Variants in BIRC6 observed in about 807,000 individuals in gnomAD.
BIRC6 encodes dual E2 ubiquitin-conjugating enzyme/E3 ubiquitin-protein ligase BIRC6.
Under a neutral mutation model 503.3 loss-of-function variants are expected in BIRC6, and 98 were observed. The ratio of observed to expected loss-of-function variants is 0.19; its 90% CI spans 0.17 to 0.23. The LOEUF (loss-of-function observed/expected upper bound fraction) is 0.23, where lower values mean the gene tolerates loss of function less well. BIRC6 is among the 10% of genes least tolerant of loss of function. The pLI, the probability that BIRC6 is intolerant of heterozygous loss-of-function variation, is 1.00. For missense variants in BIRC6, 5,360 were observed against 5,806.0 expected (o/e 0.92, Z 2.50); for synonymous variants, 2,240 against 2,078.7 (o/e 1.08, Z -2.11).
chr2:32,369,408 T>C (rs2035450127), intron 1 of BIRC6, among the ~76,000 whole-genome samples: 1 of 152,112 alleles, frequency 6.6e-6, no homozygotes, highest in Non-Finnish European at 1.5e-5. Context: ...ATTGGCACCT[T>C]TGTGCAGCAG....
At chr2:32,488,060 A>G (rs1014459414) in intron 41 of BIRC6, among the ~76,000 whole-genome samples, 1 of 151,416 alleles carries the variant, frequency 6.6e-6, no homozygotes, top group South Asian at 2.1e-4. Flanking sequence ...AGATTGAATC[A>G]CAGGGCATGG....
In BIRC6 at chr2:32,443,494, T is replaced by C. The variant is rs1313222889; in HGVS notation, c.4242T>C (p.Asn1414=). Residue 1414 remains asparagine (N), a synonymous_variant, in exon 20 of 74, where the codon AAT becomes AAC. Coordinates refer to ENST00000421745, the MANE Select transcript of BIRC6 (RefSeq NM_016252.4). The part of the protein sequence containing the change: ...CARFLALCIS[N]GKCDPCQPAF... ...TTTCTTTTTAAAAATTTTTCAGTAA[T>C]GGCAAATGTGACCCATGTCAACCAG... 1 of 1,598,802 alleles carries C rather than the reference T, an allele frequency of 6.3e-7. No individual in the cohort carries two copies. Among genetic ancestry groups the C allele is most frequent in the African/African-American group, 1.3e-5 (1 of 74,536 alleles).
At chr2:32,445,260 T>C (rs1246555503) in intron 20 of BIRC6, among the ~76,000 whole-genome samples, 4 of 152,240 alleles carry the variant, frequency 2.6e-5, no homozygotes, top group South Asian at 2.1e-4. Flanking sequence ...ATTATACACC[T>C]AAATGACTTT....
chr2:32,500,436 T>C (rs971750919), intron 46 of BIRC6, among the ~76,000 whole-genome samples: 2 of 150,212 alleles, frequency 1.3e-5, no homozygotes, highest in African/African-American at 4.9e-5. Flanking sequence ...TTTTTTTTTT[T>C]ACCCCGAGCC....
At chr2:32,488,466 A>G in intron 41 of BIRC6, 122 bp from the exon 42 acceptor site, 1 of 725,850 alleles carries the variant, frequency 1.4e-6, no homozygotes, top group Non-Finnish European at 2.1e-6. Flanking sequence ...AAGTGTGAAG[A>G]AGTGTTTAAT....
At chr2:32,378,753 A>G (rs922697661) in intron 2 of BIRC6, among the ~76,000 whole-genome samples, 6 of 152,170 alleles carry the variant, frequency 3.9e-5, no homozygotes, top group Non-Finnish European at 8.8e-5. Context: ...CACCGCACCC[A>G]GCCACACAAC....
chr2:32,580,497 T>C (rs1028072659), intron 66 of BIRC6, among the ~76,000 whole-genome samples: 1 of 152,090 alleles, frequency 6.6e-6, no homozygotes, highest in Non-Finnish European at 1.5e-5. Context: ...ATAGTGTAGC[T>C]GGAAGGTAGT....
At chr2:32,509,603 A>G (rs1381955890) in intron 51 of BIRC6, 135 bp from the exon 52 acceptor site, 2 of 988,404 alleles carry the variant, frequency 2.0e-6, no homozygotes, top group Non-Finnish European at 3.0e-6. Flanking sequence ...AATTTGCAGC[A>G]TTCTAAAAAA....
chr2:32,468,164 T>A, intron 28 of BIRC6, 53 bp downstream of exon 28: 1 of 1,522,734 alleles, frequency 6.6e-7, no homozygotes, highest in Non-Finnish European at 9.0e-7. Flanking sequence ...TTTTATATAA[T>A]GTCTTGCTTA....
intron 61 of BIRC6, 96 bp downstream of exon 61, chr2:32,531,647 A>G (rs2056762273): frequency 1.9e-6 from 2 of 1,078,180 alleles, no homozygotes; most frequent in Admixed American, 2.8e-5. Flanking sequence ...TTAACTTTGT[A>G]GAAATACCCT....
In BIRC6 at chr2:32,489,043, AT is replaced by A. The variant is rs537834206; in HGVS notation, c.8095+335del. Among the ~76,000 whole-genome samples the A allele has an allele frequency of 1.2e-3, 182 of 147,844 alleles. 1 individual carries two copies. Among genetic ancestry groups the A allele is most frequent in the African/African-American group, 4.5e-3 (179 of 40,124 alleles). The stretch of plus-strand genomic sequence containing the variant: ...CAGTTTTTTATTATTTTTTTTTTTC[AT>A]TTTTTAAAACTATGAGTTAGCCCCT... On this transcript the variant is annotated intron_variant, in intron 42 of 73. Transcript: ENST00000421745.
chr2:32,482,185 A>G (rs2050485977), intron 38 of BIRC6, among the ~76,000 whole-genome samples: 1 of 152,048 alleles, frequency 6.6e-6, no homozygotes, highest in African/African-American at 2.4e-5. Context: ...TCCATAAGAG[A>G]TTTTATTAGG....
At chr2:32,406,419 C>G (rs990939750) in intron 8 of BIRC6, 80 bp from the exon 9 acceptor site, 21 of 1,082,016 alleles carry the variant, frequency 1.9e-5, no homozygotes, top group African/African-American at 3.2e-5. Context: ...ACAAAACCAA[C>G]TGTTCTTTTT....
chr2:32,512,553 A>G (rs996777132), intron 53 of BIRC6, among the ~76,000 whole-genome samples: 7 of 152,204 alleles, frequency 4.6e-5, no homozygotes, highest in Non-Finnish European at 5.9e-5. Context: ...AAGTGTTGAG[A>G]GTGTATTCTG....
At chr2:32,407,768 A>G (rs759930104) in intron 9 of BIRC6, among the ~76,000 whole-genome samples, 22 of 152,184 alleles carry the variant, frequency 1.4e-4, no homozygotes, top group Non-Finnish European at 3.2e-4. Flanking sequence ...AGCAGTTCTT[A>G]GCAATGAACA....
At chr2:32,594,541 G>A (rs1281261857) in intron 67 of BIRC6, among the ~76,000 whole-genome samples, 1 of 152,120 alleles carries the variant, frequency 6.6e-6, no homozygotes, top group Non-Finnish European at 1.5e-5. Flanking sequence ...CGAAATACAG[G>A]AAACATTAGG....
intron 68 of BIRC6, among the ~76,000 whole-genome samples, chr2:32,597,373 G>T (rs1201017517): frequency 6.6e-6 from 1 of 152,160 alleles, no homozygotes; most frequent in African/African-American, 2.4e-5. Flanking sequence ...GTTTTATCAA[G>T]TAGCCATTGT....
intron 10 of BIRC6, among the ~76,000 whole-genome samples, chr2:32,426,036 A>T (rs2043454302): frequency 6.6e-6 from 1 of 152,184 alleles, no homozygotes; most frequent in Non-Finnish European, 1.5e-5. Context: ...ATAGTTCTGA[A>T]ATAGTTGATT....
chr2:32,532,659 T>G (rs888042578), intron 61 of BIRC6, among the ~76,000 whole-genome samples: 1 of 152,162 alleles, frequency 6.6e-6, no homozygotes, highest in African/African-American at 2.4e-5. Flanking sequence ...ACAATAATAC[T>G]TATTCATGTT....
Sources: allele counts gnomAD v4.1 joint callset (sites outside exome capture counted in the v4.1 genomes callset), GRCh38; gene constraint gnomAD v4.1.1; transcripts MANE v1.5; gene names NCBI Gene and HGNC (gene_info 2026-07-23, HGNC 2026-07-21).